Variants in KCNMA1 observed in about 807,000 individuals in gnomAD.
KCNMA1 encodes the protein Calcium-activated potassium channel subunit alpha-1.
A neutral mutation model predicts 140.0 loss-of-function variants in KCNMA1; 29 were observed. The ratio of observed to expected loss-of-function variants is 0.21; its 90% CI spans 0.15 to 0.28. The LOEUF (loss-of-function observed/expected upper bound fraction) is 0.28, where lower values mean the gene tolerates loss of function less well. Ranked by LOEUF, KCNMA1 falls within the 10% of genes least tolerant of loss-of-function variation. KCNMA1 has a pLI of 1.00. For synonymous variants in KCNMA1, 612 were observed against 611.9 expected (o/e 1.00, Z 0.00); for missense variants, 880 against 1,602.2 (o/e 0.55, Z 7.70).
At chr10:76,879,968 C>G (rs1221746577), downstream of KCNMA1, among the ~76,000 whole-genome samples, 2 of 152,152 alleles carry the variant, frequency 1.3e-5, no homozygotes, top group Non-Finnish European at 2.9e-5. Context: ...TGTTTGTGCT[C>G]AGGTTGCCTG....
At chr10:77,422,565 G>GT (rs1224017565) in intron 1 of KCNMA1, among the ~76,000 whole-genome samples, 1 of 152,124 alleles carries the variant, frequency 6.6e-6, no homozygotes, top group Non-Finnish European at 1.5e-5. Context: ...GGGTTGCAGT[G>GT]TTTTTTTCCA....
chr10:77,071,291 A>G (rs2096201363), intron 14 of KCNMA1: 1 of 152,198 alleles, frequency 6.6e-6, no homozygotes, highest in South Asian at 2.1e-4. Context: ...AGGCACCACA[A>G]AATCAAAACA....
chr10:77,304,139 C>T (rs977189834), intron 2 of KCNMA1, among the ~76,000 whole-genome samples: 1 of 151,890 alleles, frequency 6.6e-6, no homozygotes, highest in African/African-American at 2.4e-5. Context: ...GCACATAGGG[C>T]CAGAAATATA....
intron 2 of KCNMA1, among the ~76,000 whole-genome samples, chr10:77,400,733 A>G (rs1399982253): frequency 1.3e-5 from 2 of 152,172 alleles, no homozygotes; most frequent in Non-Finnish European, 2.9e-5. Context: ...ATGAACCCCT[A>G]CAACACAACA....
At chr10:77,086,431 T>TC (rs940381451) in intron 11 of KCNMA1, 57 bp downstream of exon 11, 8 of 1,286,708 alleles carry the variant, frequency 6.2e-6, no homozygotes, top group South Asian at 1.2e-5. Context: ...GAGTCAGGAC[T>TC]CCCCCCAGAC....
chr10:77,395,337 G>A (rs2096009176), intron 2 of KCNMA1, among the ~76,000 whole-genome samples: 1 of 151,998 alleles, frequency 6.6e-6, no homozygotes, highest in Non-Finnish European at 1.5e-5. Context: ...GCAATAGAGT[G>A]AAACCTTGTC....
chr10:77,264,879 C>G (rs2062993205), intron 2 of KCNMA1, among the ~76,000 whole-genome samples: 2 of 152,250 alleles, frequency 1.3e-5, no homozygotes, highest in South Asian at 4.1e-4. Flanking sequence ...ACAAGTCATT[C>G]ATTCATTCAT....
At chr10:76,974,370 G>A in intron 19 of KCNMA1, 2 of 547,974 alleles carry the variant, frequency 3.6e-6, no homozygotes, top group Non-Finnish European at 6.3e-6. Context: ...CTAAGTGCAA[G>A]CTGAAATCCA....
chr10:77,333,350 CA>C (rs68185333), intron 2 of KCNMA1, among the ~76,000 whole-genome samples: 24,809 of 105,020 alleles, frequency 0.24, 2,135 homozygotes, highest in African/African-American at 0.38. Flanking sequence ...CCATGTCTAC[CA>C]AAAAAAAAAA....
intron 6 of KCNMA1, among the ~76,000 whole-genome samples, chr10:77,114,265 C>T (rs1362761590): frequency 1.3e-5 from 2 of 152,188 alleles, no homozygotes; most frequent in East Asian, 3.9e-4. Flanking sequence ...GAGGCCTTGT[C>T]TGTCTGGATT....
chr10:77,577,159 G>A (rs1292665632), intron 1 of KCNMA1, among the ~76,000 whole-genome samples: 2 of 150,684 alleles, frequency 1.3e-5, no homozygotes, highest in African/African-American at 2.4e-5. Context: ...GCAATTCTCT[G>A]CCTCAGCCTC....
At chr10:76,977,676 G>A (rs1208736387) in intron 19 of KCNMA1, 1 of 702,618 alleles carries the variant, frequency 1.4e-6, no homozygotes, top group Non-Finnish European at 2.6e-6. Flanking sequence ...AATACCCGTG[G>A]AGCCCACCTG....
intron 1 of KCNMA1, chr10:77,637,040 G>T (rs565393485): frequency 6.7e-5 from 94 of 1,400,712 alleles, no homozygotes; most frequent in South Asian, 3.8e-4. Flanking sequence ...TTGAGCGTCC[G>T]CGTCCCGGAG....
intron 1 of KCNMA1, among the ~76,000 whole-genome samples, chr10:77,461,924 C>T (rs1026063714): frequency 5.3e-5 from 8 of 152,174 alleles, no homozygotes; most frequent in African/African-American, 1.9e-4. Context: ...ATAGCCAGGG[C>T]TGTGTGGGGA....
chr10:77,198,920 T>G (rs2041591092), intron 3 of KCNMA1, among the ~76,000 whole-genome samples: 1 of 152,184 alleles, frequency 6.6e-6, no homozygotes. Flanking sequence ...TCTGATTCCC[T>G]GCGTGTATGA....
intron 9 of KCNMA1, among the ~76,000 whole-genome samples, chr10:77,104,678 A>T (rs1373226291): frequency 6.6e-6 from 1 of 152,260 alleles, no homozygotes; most frequent in Non-Finnish European, 1.5e-5. Flanking sequence ...GGGTTACAGC[A>T]GATGGATTCC....
At chr10:77,219,985 G>T (rs529572649) in intron 3 of KCNMA1, among the ~76,000 whole-genome samples, 1 of 152,248 alleles carries the variant, frequency 6.6e-6, no homozygotes, top group East Asian at 1.9e-4. Flanking sequence ...CATTCCACAA[G>T]TGGAGACCTT....
chr10:77,445,371 C>A (rs868166720), intron 1 of KCNMA1, among the ~76,000 whole-genome samples: 18 of 150,000 alleles, frequency 1.2e-4, no homozygotes, highest in Non-Finnish European at 2.7e-4. Context: ...CACAGACACA[C>A]ACACACACAC....
At chr10:77,622,462 C>G (rs1452519689) in intron 1 of KCNMA1, among the ~76,000 whole-genome samples, 1 of 152,240 alleles carries the variant, frequency 6.6e-6, no homozygotes, top group African/African-American at 2.4e-5. Flanking sequence ...TGACCCTGAG[C>G]AGTTACTCAA....
Sources: allele counts gnomAD v4.1 joint callset (sites outside exome capture counted in the v4.1 genomes callset), GRCh38; gene constraint gnomAD v4.1.1; transcripts MANE v1.5; gene names NCBI Gene and HGNC (gene_info 2026-07-23, HGNC 2026-07-21).